TMIGD3: variants seen among roughly 807,000 people sequenced by gnomAD.
TMIGD3 encodes transmembrane and immunoglobulin domain containing 3.
In TMIGD3, 21 loss-of-function variants were observed where a neutral mutation model predicts 28.1. The observed-to-expected ratio is 0.75, with a 90% CI of 0.53 to 1.08. The LOEUF (loss-of-function observed/expected upper bound fraction) is 1.08. TMIGD3 is among the 50% of genes least tolerant of loss of function. TMIGD3 has a pLI of 0.00. For missense variants in TMIGD3, 416 were observed against 435.6 expected (o/e 0.96, Z 0.40); for synonymous variants, 151 against 162.1 (o/e 0.93, Z 0.52).
chr1:111,489,642 G>A, intron 2 of TMIGD3: 1 of 1,135,736 alleles, frequency 8.8e-7, no homozygotes. Context: ...CTTGACGGAG[G>A]GCCTTGAAGA....
upstream of TMIGD3, among the ~76,000 whole-genome samples, chr1:111,508,555 G>A (rs112054321): frequency 1.4e-3 from 207 of 152,346 alleles, 2 homozygotes; most frequent in Middle Eastern, 0.014. Context: ...GTCGAGAATA[G>A]GTAGCCAACT....
intron 1 of TMIGD3, among the ~76,000 whole-genome samples, chr1:111,502,183 GGA>G (rs1655239181): frequency 2.0e-5 from 1 of 48,840 alleles, no homozygotes; most frequent in African/African-American, 8.1e-5. Flanking sequence ...TAAATATATA[GGA>G]TATATATATT....
intron 1 of TMIGD3, among the ~76,000 whole-genome samples, chr1:111,558,950 C>T (rs749071872): frequency 4.6e-5 from 7 of 152,058 alleles, no homozygotes; most frequent in Non-Finnish European, 7.4e-5. Flanking sequence ...TTATAAAAAT[C>T]AAGCATATAT....
chr1:111,498,339 TC>T (rs1201103399), intron 1 of TMIGD3, among the ~76,000 whole-genome samples: 1 of 152,202 alleles, frequency 6.6e-6, no homozygotes, highest in Non-Finnish European at 1.5e-5. Flanking sequence ...TTTGGATAGA[TC>T]AAACCAGAGA....
intron 1 of TMIGD3, among the ~76,000 whole-genome samples, chr1:111,510,332 G>T (rs531626063): frequency 1.3e-5 from 2 of 151,970 alleles, no homozygotes; most frequent in South Asian, 4.2e-4. Flanking sequence ...TGTATGAAAG[G>T]TTAATATAAA....
intron 1 of TMIGD3, chr1:111,500,632 G>A: frequency 9.3e-6 from 13 of 1,401,940 alleles, no homozygotes; most frequent in Non-Finnish European, 1.3e-5. Flanking sequence ...TGGTAAAGGA[G>A]AGAGAGAGAG....
intron 1 of TMIGD3, among the ~76,000 whole-genome samples, chr1:111,492,280 A>G (rs1198752072): frequency 6.6e-6 from 1 of 152,180 alleles, no homozygotes. Flanking sequence ...TAGAAACCAT[A>G]AGAGATGATA....
chr1:111,490,441 C>G, intron 2 of TMIGD3: 1 of 558,636 alleles, frequency 1.8e-6, no homozygotes, highest in Non-Finnish European at 3.2e-6. Context: ...TCATTTTAGT[C>G]AAGCTTTTCA....
chr1:111,538,121 T>C (rs970215957), intron 1 of TMIGD3, among the ~76,000 whole-genome samples: 5 of 152,170 alleles, frequency 3.3e-5, no homozygotes, highest in African/African-American at 4.8e-5. Context: ...ATACCAGCCA[T>C]GAAAAATACA....
At chr1:111,497,537 G>A (rs1371103357) in intron 1 of TMIGD3, among the ~76,000 whole-genome samples, 1 of 152,044 alleles carries the variant, frequency 6.6e-6, no homozygotes, top group Non-Finnish European at 1.5e-5. Flanking sequence ...TCACTGTACG[G>A]ACTCCTGGGC....
At chr1:111,484,774 C>A (rs960981052) in intron 5 of TMIGD3, among the ~76,000 whole-genome samples, 5 of 152,212 alleles carry the variant, frequency 3.3e-5, no homozygotes, top group African/African-American at 9.6e-5. Flanking sequence ...TTCTACATTT[C>A]CATACCCAAG....
At chr1:111,496,720 T>C (rs1038785699) in intron 1 of TMIGD3, among the ~76,000 whole-genome samples, 2 of 152,254 alleles carry the variant, frequency 1.3e-5, no homozygotes, top group African/African-American at 4.8e-5. Context: ...AAAATTTTAA[T>C]GTGCTTAAGT....
At chr1:111,518,873 C>A (rs1328849013) in intron 1 of TMIGD3, among the ~76,000 whole-genome samples, 1 of 152,222 alleles carries the variant, frequency 6.6e-6, no homozygotes, top group Non-Finnish European at 1.5e-5. Flanking sequence ...GGAGCCAAAT[C>A]AACTGTGACC....
intron 1 of TMIGD3, among the ~76,000 whole-genome samples, chr1:111,514,003 C>G (rs962063339): frequency 1.3e-5 from 2 of 152,190 alleles, no homozygotes; most frequent in African/African-American, 4.8e-5. Context: ...AAGGGTGAAG[C>G]CTCAACAGAA....
At chr1:111,544,691 A>G (rs1397035022) in intron 1 of TMIGD3, among the ~76,000 whole-genome samples, 1 of 152,156 alleles carries the variant, frequency 6.6e-6, no homozygotes, top group Non-Finnish European at 1.5e-5. Flanking sequence ...GCGTGAACAT[A>G]TGTTTTTGAA....
intron 1 of TMIGD3, among the ~76,000 whole-genome samples, chr1:111,518,552 G>T (rs75748959): frequency 0.071 from 10,863 of 152,244 alleles, 475 homozygotes; most frequent in East Asian, 0.23. Context: ...ACTCCCAGTT[G>T]AGAAACAGTG....
intron 1 of TMIGD3, among the ~76,000 whole-genome samples, chr1:111,548,876 C>T (rs1657139049): frequency 6.6e-6 from 1 of 152,198 alleles, no homozygotes; most frequent in Admixed American, 6.5e-5. Context: ...ATTCATGTCG[C>T]TCTGATATGG....
At chr1:111,485,466 A>T in intron 5 of TMIGD3, 1 of 355,526 alleles carries the variant, frequency 2.8e-6, no homozygotes, top group Non-Finnish European at 5.1e-6. Context: ...GTGGCTCTGC[A>T]GATGGGAACC....
chr1:111,547,489 A>G (rs1003474301), intron 1 of TMIGD3, among the ~76,000 whole-genome samples: 2 of 152,192 alleles, frequency 1.3e-5, no homozygotes, highest in South Asian at 4.1e-4. Context: ...GAGTTAAAAA[A>G]TATAAAATAT....
Sources: allele counts gnomAD v4.1 joint callset (sites outside exome capture counted in the v4.1 genomes callset), GRCh38; gene constraint gnomAD v4.1.1; transcripts MANE v1.5; gene names NCBI Gene and HGNC (gene_info 2026-07-23, HGNC 2026-07-21).